EYS: variants seen among roughly 807,000 people sequenced by gnomAD.
EYS encodes protein eyes shut homolog.
EYS carries 250 observed loss-of-function variants against 282.1 expected under a neutral mutation model. The ratio of observed to expected loss-of-function variants is 0.89; its 90% confidence interval spans 0.80 to 0.98. EYS has a LOEUF of 0.98. EYS is among the 50% of genes least tolerant of loss of function. The probability of loss-of-function intolerance (pLI) is 0.00; values close to 1 mark genes in which losing one functional copy is unlikely to be tolerated. For missense variants in EYS, 4,016 were observed against 3,709.0 expected (o/e 1.08, Z -2.15); for synonymous variants, 1,355 against 1,282.9 (o/e 1.06, Z -1.20).
intron 16 of EYS, among the ~76,000 whole-genome samples, chr6:64,912,278 C>T (rs977772413): frequency 6.6e-6 from 1 of 152,100 alleles, no homozygotes. Context: ...TTCCCTCTTC[C>T]CAATGGTTAA....
chr6:64,692,049 A>G (rs1042662877), intron 22 of EYS, among the ~76,000 whole-genome samples: 1 of 152,114 alleles, frequency 6.6e-6, no homozygotes, highest in African/African-American at 2.4e-5. Flanking sequence ...TGGTAGCTCT[A>G]CTTGATGTTC....
chr6:65,114,298 T>C (rs908944860), intron 12 of EYS, among the ~76,000 whole-genome samples: 1 of 151,078 alleles, frequency 6.6e-6, no homozygotes, highest in African/African-American at 2.4e-5. Context: ...TTTCTTTGCC[T>C]TACATTTTTA....
At chr6:65,389,005 C>T (rs774359649) in intron 7 of EYS, among the ~76,000 whole-genome samples, 2 of 152,022 alleles carry the variant, frequency 1.3e-5, no homozygotes, top group Admixed American at 6.6e-5. Flanking sequence ...TCTTATTATG[C>T]CCTCTCTCCA....
chr6:63,829,602 G>T (rs2149690258), intron 36 of EYS, among the ~76,000 whole-genome samples: 1 of 152,348 alleles, frequency 6.6e-6, no homozygotes, highest in African/African-American at 2.4e-5. Context: ...AGCTCAAGGA[G>T]GCCTGCCTGC....
At chr6:63,783,870 C>A (rs1770297669) in intron 39 of EYS, among the ~76,000 whole-genome samples, 1 of 151,620 alleles carries the variant, frequency 6.6e-6, no homozygotes, top group Non-Finnish European at 1.5e-5. Context: ...GATACTTGGT[C>A]AAATATTGTG....
intron 12 of EYS, among the ~76,000 whole-genome samples, chr6:65,166,873 A>G (rs1764985800): frequency 6.6e-6 from 1 of 151,246 alleles, no homozygotes; most frequent in African/African-American, 2.4e-5. Context: ...AAAAGTGGAC[A>G]AGGAATTTGA....
chr6:65,572,606 C>G (rs571637120), intron 2 of EYS, among the ~76,000 whole-genome samples: 1 of 152,048 alleles, frequency 6.6e-6, no homozygotes, highest in African/African-American at 2.4e-5. Flanking sequence ...CAATAATGAA[C>G]CGTATATAAG....
intron 22 of EYS, among the ~76,000 whole-genome samples, chr6:64,780,533 C>T (rs1495541): frequency 6.6e-6 from 1 of 151,784 alleles, no homozygotes; most frequent in Non-Finnish European, 1.5e-5. Context: ...GAGGGAAGGA[C>T]GGGGTTGAGG....
chr6:65,260,075 G>A (rs1234622078), intron 12 of EYS, among the ~76,000 whole-genome samples: 4 of 152,060 alleles, frequency 2.6e-5, no homozygotes, highest in Non-Finnish European at 4.4e-5. Flanking sequence ...GAGGCCTCAG[G>A]AAACTTAAAA....
intron 26 of EYS, among the ~76,000 whole-genome samples, chr6:64,522,879 T>G (rs1265292166): frequency 6.6e-6 from 1 of 151,778 alleles, no homozygotes; most frequent in East Asian, 1.9e-4. Context: ...AGTGCACAGT[T>G]AAAGATGAAA....
chr6:64,712,440 G>A (rs941657476), intron 22 of EYS, among the ~76,000 whole-genome samples: 61 of 152,154 alleles, frequency 4.0e-4, no homozygotes, highest in African/African-American at 1.4e-3. Flanking sequence ...GTTAAAGGAC[G>A]AGGAAGCTGG....
At chr6:65,232,040 C>T (rs1766796199) in intron 12 of EYS, among the ~76,000 whole-genome samples, 1 of 151,888 alleles carries the variant, frequency 6.6e-6, no homozygotes, top group Non-Finnish European at 1.5e-5. Context: ...CTATATTTAT[C>T]TATAAAATAC....
chr6:64,111,889 A>T (rs1004267789), intron 31 of EYS, among the ~76,000 whole-genome samples: 20 of 152,056 alleles, frequency 1.3e-4, no homozygotes, highest in African/African-American at 4.8e-4. Flanking sequence ...ATACATTCTC[A>T]TAGCCACATA....
intron 2 of EYS, among the ~76,000 whole-genome samples, chr6:65,615,868 A>G (rs904147003): frequency 6.6e-6 from 1 of 151,970 alleles, no homozygotes; most frequent in Non-Finnish European, 1.5e-5. Flanking sequence ...CAGGAGGCGG[A>G]GCATGCAGTG....
At chr6:65,646,777 C>G (rs1221469850) in intron 1 of EYS, among the ~76,000 whole-genome samples, 1 of 152,104 alleles carries the variant, frequency 6.6e-6, no homozygotes, top group African/African-American at 2.4e-5. Context: ...ACCCTAAAGA[C>G]TTATCTAAAA....
At chr6:65,568,247 C>T (rs1359265674) in intron 2 of EYS, among the ~76,000 whole-genome samples, 1 of 152,070 alleles carries the variant, frequency 6.6e-6, no homozygotes, top group African/African-American at 2.4e-5. Context: ...TCCTCTTCTC[C>T]CCTCTCCCAT....
chr6:64,394,552 T>C (rs1034544907), intron 28 of EYS, among the ~76,000 whole-genome samples: 1 of 152,108 alleles, frequency 6.6e-6, no homozygotes, highest in Non-Finnish European at 1.5e-5. Context: ...ATTTAATAAA[T>C]GGTGCTGGGA....
Position 64,044,785 on chromosome 6 carries a change from T to C in EYS, c.6725+21553A>G, listed in dbSNP as rs147880201. ...TATGGTGAGAACATATGATTTACTA[T>C]GCCAAGCTGTTTTGTTGATTTAGCT... On this transcript the variant is annotated intron_variant, in intron 33 of 42. Transcript: ENST00000503581. Among the ~76,000 whole-genome samples the C allele has an allele frequency of 3.7e-3, 556 of 152,274 alleles. 3 individuals are homozygous for C. Among genetic ancestry groups the C allele is most frequent in the African/African-American group, 0.013 (524 of 41,562 alleles).
chr6:64,749,675 T>G (rs1159018694), intron 22 of EYS, among the ~76,000 whole-genome samples: 1 of 152,184 alleles, frequency 6.6e-6, no homozygotes, highest in African/African-American at 2.4e-5. Flanking sequence ...TGCAGAAATT[T>G]GATTCTGTTG....
Sources: allele counts gnomAD v4.1 joint callset (sites outside exome capture counted in the v4.1 genomes callset), GRCh38; gene constraint gnomAD v4.1.1; transcripts MANE v1.5; gene names NCBI Gene and HGNC (gene_info 2026-07-23, HGNC 2026-07-21).